CDCA7: variants seen among roughly 807,000 people sequenced by gnomAD.
CDCA7 encodes the protein cell division cycle-associated protein 7.
In CDCA7, 28 loss-of-function variants were observed where a neutral mutation model predicts 54.0. The observed-to-expected ratio is 0.52, with a 90% confidence interval of 0.38 to 0.71. CDCA7 has a LOEUF of 0.71. Among genes scored for constraint, CDCA7 ranks in the 30% least tolerant of loss-of-function variants. CDCA7 has a pLI of 0.00. For missense variants in CDCA7, 484 were observed against 586.0 expected (o/e 0.83, Z 1.80); for synonymous variants, 180 against 208.2 (o/e 0.86, Z 1.16).
Position 173,363,213 on chromosome 2 carries a change from T to C in CDCA7, c.385-13T>C, listed in dbSNP as rs1014087417. 1.9e-6 allele frequency: 3 copies of C among 1,612,976 alleles called. No homozygotes were observed. Among genetic ancestry groups the C allele is most frequent in the Non-Finnish European group, 2.5e-6 (3 of 1,179,088 alleles). On this transcript the variant is annotated splice_polypyrimidine_tract_variant and intron_variant, in intron 3 of 9. Transcript: ENST00000306721. The stretch of plus-strand genomic sequence containing the variant: ...TGCTGATCAAGTCCTAATGACTCAA[T>C]TGTTGTGATTAGAGGCTGCAGTCAG...
At chr2:173,361,162 T>G (rs903759644) in intron 3 of CDCA7, among the ~76,000 whole-genome samples, 2 of 152,252 alleles carry the variant, frequency 1.3e-5, no homozygotes, top group African/African-American at 4.8e-5. Context: ...GTTGTGTGAA[T>G]CAGCCACATT....
intron 2 of CDCA7, 69 bp downstream of exon 2, chr2:173,358,906 T>C: frequency 6.5e-7 from 1 of 1,545,444 alleles, no homozygotes; most frequent in East Asian, 2.3e-5. Flanking sequence ...GCTTTGTGCG[T>C]GATTAAAACT....
At chr2:173,356,836 C>A (rs1255719274) in intron 1 of CDCA7, among the ~76,000 whole-genome samples, 3 of 152,128 alleles carry the variant, frequency 2.0e-5, no homozygotes, top group African/African-American at 7.2e-5. Context: ...GTAGCTCTAC[C>A]TTTTACACGT....
chr2:173,359,502 G>A lies in CDCA7; in HGVS notation c.384+11G>A. The A allele has an allele frequency of 6.3e-7, 1 of 1,598,464 alleles. No homozygotes were observed. Among genetic ancestry groups the A allele is most frequent in the South Asian group, 1.1e-5 (1 of 90,606 alleles). On this transcript the variant is annotated intron_variant, in intron 3 of 9. Transcript: ENST00000306721. ...ATACAAGATGGAATGGTGAGTTCGA[G>A]AATTTCACCAGTTTCAAGAAGTAAG... is the stretch of plus-strand genomic sequence containing the variant.
chr2:173,365,682 C>T (rs2106391978), intron 7 of CDCA7, 90 bp downstream of exon 7: 1 of 1,411,450 alleles, frequency 7.1e-7, no homozygotes, highest in South Asian at 1.4e-5. Context: ...TTCTAAAGGG[C>T]CTAGCATGTG....
intron 8 of CDCA7, 61 bp from the exon 9 acceptor site, chr2:173,367,089 G>C: frequency 6.5e-7 from 1 of 1,529,120 alleles, no homozygotes; most frequent in East Asian, 2.3e-5. Context: ...ATGTAATGTA[G>C]ATAAGTTGGT....
intron 1 of CDCA7, chr2:173,358,462 C>T (rs1372831829): frequency 7.3e-6 from 2 of 272,856 alleles, no homozygotes; most frequent in East Asian, 1.5e-4. Flanking sequence ...CTCAGGAGTT[C>T]CAGGTTGTAG....
At chr2:173,356,341 GC>G (rs1041599713) in intron 1 of CDCA7, 2 of 151,638 alleles carry the variant, frequency 1.3e-5, no homozygotes, top group African/African-American at 4.9e-5. Context: ...GCTGTCTGGG[GC>G]CTCTGACTGC....
At chr2:173,367,340 C>A in intron 9 of CDCA7, 54 bp downstream of exon 9, 2 of 1,606,516 alleles carry the variant, frequency 1.2e-6, no homozygotes, top group South Asian at 1.1e-5. Flanking sequence ...TCATTTATGT[C>A]TTAATGAGAA....
chr2:173,367,029 G>T, intron 8 of CDCA7, 121 bp from the exon 9 acceptor site: 1 of 1,327,658 alleles, frequency 7.5e-7, no homozygotes, highest in East Asian at 2.3e-5. Flanking sequence ...CATTAGGCAT[G>T]ACTAATGCCT....
rs1405336004 is a variant in CDCA7, at chr2:173,363,881, C to T, written c.685C>T (p.Pro229Ser). ...PGSFRGRHPL[P>S]GSDSQSRRPR... is the part of the protein sequence containing the mutation. ...CTCGTTCCGTGGAAGACATCCCCTC[C>T]CAGGCTCCGACTCAGTAAGTACCAG... The change falls in exon 5 of 10, where the codon CCA becomes TCA. Residue 229 changes from proline to serine, a missense_variant. By Grantham distance (74) the Pro-to-Ser change is moderately conservative (BLOSUM62 -1). This residue lies in a region of CDCA7 where 398 missense variants were observed against 447.4 expected (regional missense o/e 0.89). Transcript: ENST00000306721. 2 of 1,614,082 alleles carry T rather than the reference C, an allele frequency of 1.2e-6. No homozygotes were observed. The highest frequency in any genetic ancestry group is 4.5e-5 in the East Asian group (2 of 44,902).
chr2:173,357,164 T>A (rs1686522683), intron 1 of CDCA7, among the ~76,000 whole-genome samples: 1 of 152,192 alleles, frequency 6.6e-6, no homozygotes, highest in African/African-American at 2.4e-5. Context: ...ACTTAGGAAA[T>A]CTCGTTAAAT....
chr2:173,357,159 G>A (rs2117131), intron 1 of CDCA7, among the ~76,000 whole-genome samples: 128,810 of 152,194 alleles, frequency 0.85, 54,611 homozygotes, highest in East Asian at 0.98. Context: ...GCAACACTTA[G>A]GAAATCTCGT....
At chr2:173,355,763 G>C (rs1242869488) in intron 1 of CDCA7, among the ~76,000 whole-genome samples, 1 of 151,050 alleles carries the variant, frequency 6.6e-6, no homozygotes, top group Non-Finnish European at 1.5e-5. Flanking sequence ...CCAGAACGTA[G>C]GGTCGGGCTC....
In CDCA7 at chr2:173,363,877, C is replaced by T. The variant is rs1686669358; in HGVS notation, c.681C>T (p.Pro227=). 6.2e-7 allele frequency: 1 copy of T among 1,614,192 alleles called. No individual in the cohort carries two copies. Among genetic ancestry groups the T allele is most frequent in the South Asian group, 1.1e-5 (1 of 91,076 alleles). The change falls in exon 5 of 10, where the codon CCC becomes CCT. Residue 227 remains proline, a synonymous_variant. Transcript: ENST00000306721. ...SFPGSFRGRH[P]LPGSDSQSRR... ...CTGGCTCGTTCCGTGGAAGACATCC[C>T]CTCCCAGGCTCCGACTCAGTAAGTA...
intron 5 of CDCA7, 35 bp from the exon 6 acceptor site, chr2:173,364,760 G>T: frequency 6.4e-7 from 1 of 1,559,752 alleles, no homozygotes; most frequent in South Asian, 1.3e-5. Context: ...CTTTATTATG[G>T]AATAAATGGA....
At chr2:173,362,857 T>C (rs1345177796) in intron 3 of CDCA7, among the ~76,000 whole-genome samples, 1 of 152,100 alleles carries the variant, frequency 6.6e-6, no homozygotes, top group African/African-American at 2.4e-5. Flanking sequence ...GGATTACAGA[T>C]GTGAGCCACT....
Position 173,354,900 on chromosome 2 carries a change from C to T in CDCA7, c.-64C>T. The T allele has an allele frequency of 6.8e-7, 1 of 1,473,552 alleles. No homozygotes were observed. The highest frequency in any genetic ancestry group is 1.3e-5 in the South Asian group (1 of 77,774). The allele number at this position is 1,473,552 out of a possible 1,614,324, so 91.3% of individuals were successfully genotyped here. On this transcript the variant is annotated 5_prime_UTR_variant, in exon 1 of 10. Coordinates refer to ENST00000306721, the MANE Select transcript of CDCA7 (RefSeq NM_031942.5). ...GCTGCTGCTCCTCCTGCTGTGGGAC[C>T]GCTGACCGCGCGGCTGCTCCGCTCT...
At chr2:173,363,152 A>G in intron 3 of CDCA7, 74 bp from the exon 4 acceptor site, 1 of 1,421,524 alleles carries the variant, frequency 7.0e-7, no homozygotes, top group Non-Finnish European at 9.8e-7. Context: ...TGTCTCATTG[A>G]AAAGGGACTT....
Sources: gnomAD v4.1 joint callset for allele counts (sites outside exome capture counted in the v4.1 genomes callset) on GRCh38, gnomAD v4.1.1 for gene constraint, gnomAD v4.1.1 regional missense constraint, MANE v1.5 for transcripts, NCBI Gene and HGNC (gene_info 2026-07-23, HGNC 2026-07-21) for gene names.